The following GIN1 variants were observed in gnomAD, a reference collection of about 807,000 sequenced individuals.
The protein encoded by GIN1 is gypsy retrotransposon integrase-like protein 1.
GIN1 carries 41 observed loss-of-function variants against 51.4 expected under a neutral mutation model. The ratio of observed to expected loss-of-function variants is 0.80; its 90% CI spans 0.62 to 1.04. The LOEUF (loss-of-function observed/expected upper bound fraction) is 1.04, where lower values mean the gene tolerates loss of function less well. Ranked by LOEUF, GIN1 falls within the 50% of genes least tolerant of loss-of-function variation. The probability of loss-of-function intolerance (pLI) is 0.00; values close to 1 mark genes in which losing one functional copy is unlikely to be tolerated. For synonymous variants in GIN1, 222 were observed against 206.5 expected, an observed-to-expected ratio of 1.07 and a Z score of -0.64; for missense variants, 610 against 612.4, an observed-to-expected ratio of 1.00 and a Z score of 0.04.
At chr5:103,106,343 A>T (rs1345337818) in intron 3 of GIN1, among the ~76,000 whole-genome samples, 2 of 152,142 alleles carry the variant, frequency 1.3e-5, no homozygotes, top group Non-Finnish European at 2.9e-5. Flanking sequence ...ACTGGGCTTG[A>T]CTTACTATGA....
At chr5:103,111,826 T>A (rs782700633) in intron 1 of GIN1, among the ~76,000 whole-genome samples, 25 of 152,112 alleles carry the variant, frequency 1.6e-4, no homozygotes, top group Non-Finnish European at 3.2e-4. Context: ...CCCCTACCCA[T>A]TTACCTCCTG....
chr5:103,101,129 A>C (rs1265172482), intron 4 of GIN1, among the ~76,000 whole-genome samples: 1 of 152,214 alleles, frequency 6.6e-6, no homozygotes, highest in Non-Finnish European at 1.5e-5. Flanking sequence ...CAATATGCCA[A>C]CATCACTACT....
intron 1 of GIN1, among the ~76,000 whole-genome samples, chr5:103,110,976 A>G (rs1356738924): frequency 6.6e-6 from 1 of 152,054 alleles, no homozygotes; most frequent in Non-Finnish European, 1.5e-5. Flanking sequence ...AATCTGCCAC[A>G]TAAGACCTCC....
rs529920177 is a variant in GIN1, at chr5:103,104,898, C to T, written c.334-52G>A. The stretch of plus-strand genomic sequence containing the variant: ...CACATACAAATGTTAACACTCAACA[C>T]AATATAAAAGCAGTCTTATAAATCT... On this transcript the variant is annotated intron_variant, in intron 3 of 7. Coordinates refer to ENST00000399004, the MANE Select transcript of GIN1 (RefSeq NM_017676.2). 6.5e-5 allele frequency: 70 copies of T among 1,083,854 alleles called. No homozygotes were observed. In the African/African-American group the frequency reaches 1.0e-3, roughly 16 times the overall value. 67.1% of individuals were successfully genotyped at this position (1,083,854 alleles called of 1,614,324 possible). A position where few individuals can be genotyped will look rare whatever the true frequency, so the allele number is the denominator to read the frequency against.
In GIN1 at chr5:103,086,655, A is replaced by T. The variant is rs902651604; in HGVS notation, c.*1243T>A. 1 of 152,194 alleles carries T rather than the reference A, an allele frequency of 6.6e-6. No homozygotes were observed. The highest frequency in any genetic ancestry group is 1.5e-5 in the Non-Finnish European group (1 of 68,036). The allele number at this position is 152,194 out of a possible 1,614,324, so 9.4% of individuals were successfully genotyped here. ...CCATAAGGATAAACACAAATTTCCT[A>T]TGTAAAAACAACTTCTCTCTTTTTG... On this transcript the variant is annotated 3_prime_UTR_variant, in exon 8 of 8. Coordinates refer to ENST00000399004, the MANE Select transcript of GIN1 (RefSeq NM_017676.2).
chr5:103,102,790 G>A (rs1344748358), intron 4 of GIN1: 2 of 152,014 alleles, frequency 1.3e-5, no homozygotes, highest in Admixed American at 1.3e-4. Flanking sequence ...TAAGGTGGGG[G>A]TATCACTTGA....
chr5:103,099,195 CCAAAAAGTTGTAA>C (rs1787498308), intron 4 of GIN1, among the ~76,000 whole-genome samples: 1 of 152,132 alleles, frequency 6.6e-6, no homozygotes, highest in South Asian at 2.1e-4. Context: ...ATAATTCTAG[CCAAAAAGTTGTAA>C]GTAAAAGTTG....
At chr5:103,107,956 CTTG>C (rs1323351883) in intron 2 of GIN1, among the ~76,000 whole-genome samples, 1 of 152,178 alleles carries the variant, frequency 6.6e-6, no homozygotes, top group Admixed American at 6.5e-5. Context: ...CTGGTGACTA[CTTG>C]TTGTTTATCT....
chr5:103,117,501 C>G lies in GIN1; in HGVS notation c.-8+2563G>C, dbSNP rs541715573. ...CCTGATATAGGTCATTTGATATTAGCACTGCAGATCAAGTAGGAGAAATAA... is the reference window on the plus strand; with the variant it reads ...CCTGATATAGGTCATTTGATATTAGGACTGCAGATCAAGTAGGAGAAATAA... On this transcript the variant is annotated intron_variant, in intron 1 of 7. Coordinates refer to ENST00000399004, the MANE Select transcript of GIN1 (RefSeq NM_017676.2). Among the ~76,000 whole-genome samples, 9 of 151,078 alleles carry G rather than the reference C, an allele frequency of 6.0e-5. No homozygotes were observed. In the Middle Eastern group the frequency reaches 0.01, roughly 171 times the overall value.
At chr5:103,109,633 G>A (rs1385351549) in intron 1 of GIN1, among the ~76,000 whole-genome samples, 1 of 152,084 alleles carries the variant, frequency 6.6e-6, no homozygotes, top group African/African-American at 2.4e-5. Flanking sequence ...TGTTAACACA[G>A]TCCCATCATA....
chr5:103,096,706 A>C lies in GIN1; in HGVS notation c.1129T>G (p.Trp377Gly). 1.2e-6 allele frequency: 2 copies of C among 1,614,072 alleles called. No individual in the cohort carries two copies. Among genetic ancestry groups the C allele is most frequent in the Non-Finnish European group, 1.7e-6 (2 of 1,179,964 alleles). The change falls in exon 7 of 8, where the codon TGG becomes GGG. Residue 377 changes from tryptophan (W) to glycine (G), a missense_variant. By Grantham distance (184) the Trp-to-Gly change is radical. Transcript: ENST00000399004. ...GHEVLRQRKNWWKDGRFQSEW... is the reference protein window; with the variant it reads ...GHEVLRQRKNGWKDGRFQSEW... ...GACTGAAAACGACCATCCTTCCACC[A>C]ATTTTTCCTTTGTCTTAAAACTTCA... is the stretch of plus-strand genomic sequence containing the variant.
chr5:103,093,801 A>C (rs1787321201), intron 7 of GIN1, among the ~76,000 whole-genome samples: 1 of 152,230 alleles, frequency 6.6e-6, no homozygotes, highest in South Asian at 2.1e-4. Flanking sequence ...TGGTATTTTA[A>C]GATTTCTTGG....
In GIN1 at chr5:103,108,554, G is replaced by C; in HGVS notation, c.139+15C>G. 1 of 1,546,482 alleles carries C rather than the reference G, an allele frequency of 6.5e-7. No homozygotes were observed. The highest frequency in any genetic ancestry group is 8.9e-7 in the Non-Finnish European group (1 of 1,126,590). On this transcript the variant is annotated intron_variant, in intron 2 of 7. Coordinates refer to ENST00000399004, the MANE Select transcript of GIN1 (RefSeq NM_017676.2). ...ATCTACAACTCAATAATCAAAATTT[G>C]AACATTAATTTTACCTTTGAAGACA...
chr5:103,096,529 A>T lies in GIN1; in HGVS notation c.1294+12T>A. On this transcript the variant is annotated intron_variant, in intron 7 of 7. Coordinates refer to ENST00000399004, the MANE Select transcript of GIN1 (RefSeq NM_017676.2). ...AAAGCAATAAAAATGTAGAGAAGTG[A>T]CAGATATTTACCTTGTTCACTGGAT... 1.3e-6 allele frequency: 2 copies of T among 1,568,746 alleles called. No homozygotes were observed. Among genetic ancestry groups the T allele is most frequent in the East Asian group, 4.5e-5 (2 of 44,360 alleles).
chr5:103,108,518 T>C (rs1787787519), intron 2 of GIN1, 51 bp downstream of exon 2: 1 of 1,266,520 alleles, frequency 7.9e-7, no homozygotes, highest in African/African-American at 1.5e-5. Context: ...CAAGGAAGAA[T>C]GTGGGGAAGA....
chr5:103,107,298 C>G (rs1368691828), intron 2 of GIN1, among the ~76,000 whole-genome samples: 3 of 151,914 alleles, frequency 2.0e-5, no homozygotes, highest in Admixed American at 6.6e-5. Context: ...AAACAACTTC[C>G]TGGAACAGAA....
At chr5:103,117,494 A>C (rs1242634766) in intron 1 of GIN1, among the ~76,000 whole-genome samples, 1 of 151,496 alleles carries the variant, frequency 6.6e-6, no homozygotes, top group African/African-American at 2.4e-5. Context: ...AGGTCATTTG[A>C]TATTAGCACT....
chr5:103,097,239 A>C, intron 6 of GIN1, 75 bp downstream of exon 6: 1 of 848,868 alleles, frequency 1.2e-6, no homozygotes, highest in East Asian at 2.7e-5. Context: ...GCACACATGT[A>C]TATGCTGAAA....
At chr5:103,113,549 T>A (rs1181674323) in intron 1 of GIN1, among the ~76,000 whole-genome samples, 1 of 145,112 alleles carries the variant, frequency 6.9e-6, no homozygotes, top group African/African-American at 2.5e-5. Flanking sequence ...TGAGACAGAG[T>A]TGCGCTCTGT....
Sources: gnomAD v4.1 joint callset for allele counts (sites outside exome capture counted in the v4.1 genomes callset) on GRCh38, gnomAD v4.1.1 for gene constraint, MANE v1.5 for transcripts, NCBI Gene and HGNC (gene_info 2026-07-23, HGNC 2026-07-21) for gene names.